IDO2: variants seen among roughly 807,000 people sequenced by gnomAD.
IDO2 encodes the protein indoleamine 2,3-dioxygenase-like 1 protein.
IDO2 carries 46 observed loss-of-function variants against 45.1 expected under a neutral mutation model. The ratio of observed to expected loss-of-function variants is 1.02; its 90% CI spans 0.80 to 1.30. The LOEUF (loss-of-function observed/expected upper bound fraction) is 1.30, where lower values mean the gene tolerates loss of function less well. IDO2 is among the 50% of genes most tolerant of loss of function. The pLI, the probability that IDO2 is intolerant of heterozygous loss-of-function variation, is 0.00. For synonymous variants in IDO2, 218 were observed against 184.9 expected (o/e 1.18, Z -1.45); for missense variants, 544 against 491.8 (o/e 1.11, Z -1.00).
chr8:39,970,764 CT>C lies in IDO2; in HGVS notation c.195+7082del, dbSNP rs766122277. On this transcript the variant is annotated intron_variant, in intron 3 of 10. Transcript: ENST00000502986. ...TATTGGAAGAAGATTCCAACCAGGA[CT>C]TTTTTTTTTTTTTTTTTTTTGAGAC... Among the ~76,000 whole-genome samples the C allele has an allele frequency of 4.0e-3, 445 of 112,444 alleles. 1 individual carries two copies. The highest frequency in any genetic ancestry group is 9.2e-3 in the African/African-American group (248 of 26,978). The allele number at this position is 112,444 out of a possible 152,430, so 73.8% of individuals were successfully genotyped here. A position where few individuals can be genotyped will look rare whatever the true frequency, so the allele number is the denominator to read the frequency against.
intron 2 of IDO2, among the ~76,000 whole-genome samples, chr8:39,954,193 T>G (rs1396477674): frequency 6.6e-6 from 1 of 152,206 alleles, no homozygotes; most frequent in East Asian, 1.9e-4. Flanking sequence ...TATATTCTAG[T>G]CCTCATCTCC....
chr8:39,971,896 C>T (rs375348124), intron 3 of IDO2, among the ~76,000 whole-genome samples: 3 of 151,994 alleles, frequency 2.0e-5, no homozygotes, highest in African/African-American at 7.2e-5. Flanking sequence ...GCAGGCTCTG[C>T]CTCCCTGGTT....
chr8:40,008,985 C>T (rs921125953), intron 9 of IDO2, among the ~76,000 whole-genome samples: 2 of 150,624 alleles, frequency 1.3e-5, no homozygotes, highest in African/African-American at 2.4e-5. Context: ...TTGATTTATC[C>T]TATTTTTGAT....
chr8:39,951,049 A>AAACAAAACAAAACAAAACAG (rs1554544692), intron 2 of IDO2, among the ~76,000 whole-genome samples: 3,038 of 151,180 alleles, frequency 0.02, 86 homozygotes, highest in African/African-American at 0.06. Flanking sequence ...AAACAAAACA[A>AAACAAAACAAAACAAAACAG]AACAAAACAA....
intron 9 of IDO2, among the ~76,000 whole-genome samples, chr8:40,012,369 G>C (rs577688257): frequency 6.6e-6 from 1 of 152,072 alleles, no homozygotes; most frequent in Non-Finnish European, 1.5e-5. Flanking sequence ...GCAAGTTTGG[G>C]GATCAAGTTC....
intron 2 of IDO2, among the ~76,000 whole-genome samples, chr8:39,959,739 C>A (rs1807964994): frequency 6.6e-6 from 1 of 152,196 alleles, no homozygotes; most frequent in African/African-American, 2.4e-5. Flanking sequence ...AGGAGAATCT[C>A]TTGAACTCAG....
chr8:39,983,082 C>T (rs1808377228), intron 5 of IDO2, among the ~76,000 whole-genome samples: 2 of 152,140 alleles, frequency 1.3e-5, no homozygotes, highest in Admixed American at 1.3e-4. Flanking sequence ...CCCTAAGATG[C>T]CCTCCATTCA....
rs566484772 is a variant in IDO2 at position 39,976,562 on chromosome 8, A to G, written c.196-2505A>G. ...ACAAATTCATGAAATGCTTCTAATA[A>G]ATAGGAAGTTATAAGATGCATTTCA... is the stretch of plus-strand genomic sequence containing the variant. On this transcript the variant is annotated intron_variant, in intron 3 of 10. Coordinates refer to ENST00000502986, the Ensembl canonical transcript of IDO2. Among the ~76,000 whole-genome samples the G allele has an allele frequency of 3.9e-5, 6 of 152,290 alleles. No homozygotes were observed. The South Asian group carries it at 6.2e-4, about 16-fold the overall frequency.
intron 1 of IDO2, among the ~76,000 whole-genome samples, chr8:39,946,963 C>A (rs1354882617): frequency 2.0e-5 from 3 of 151,846 alleles, no homozygotes; most frequent in Non-Finnish European, 4.4e-5. Context: ...AGTTCCAGAC[C>A]AGCCTGGTCA....
At chr8:39,982,362 T>G (rs1441387353) in intron 4 of IDO2, among the ~76,000 whole-genome samples, 1 of 152,132 alleles carries the variant, frequency 6.6e-6, no homozygotes, top group Non-Finnish European at 1.5e-5. Flanking sequence ...GGTAATGCCT[T>G]TCTTTGCACA....
rs1480606070 is a variant in IDO2, at chr8:39,971,826, G to C, written c.196-7241G>C. 5.2e-5 allele frequency among the ~76,000 whole-genome samples: 7 copies of C among 134,080 alleles called. No individual in the cohort carries two copies. The East Asian group carries it at 8.3e-4, about 16-fold the overall frequency. The allele number at this position is 134,080 out of a possible 152,430, so 88.0% of individuals were successfully genotyped here. The stretch of plus-strand genomic sequence containing the variant: ...TGAACTTTTCTTTTCTTTTTTTTTT[G>C]AGACAGAGTTTCGTTCTTATTGCCC... On this transcript the variant is annotated intron_variant, in intron 3 of 10. Transcript: ENST00000502986.
chr8:40,009,497 G>T (rs1338807896), intron 9 of IDO2, among the ~76,000 whole-genome samples: 1 of 151,326 alleles, frequency 6.6e-6, no homozygotes, highest in African/African-American at 2.4e-5. Flanking sequence ...TTTTCTTGGG[G>T]TTGCTAGAAA....
intron 2 of IDO2, among the ~76,000 whole-genome samples, chr8:39,952,745 G>A (rs1807830637): frequency 6.6e-6 from 1 of 151,956 alleles, no homozygotes. Context: ...GAAGAGAACT[G>A]AGAGAGCCCG....
chr8:39,970,671 A>G (rs1000371695), intron 3 of IDO2, among the ~76,000 whole-genome samples: 1 of 151,650 alleles, frequency 6.6e-6, no homozygotes, highest in Non-Finnish European at 1.5e-5. Context: ...GATTACAGGC[A>G]TGAGCCACCA....
intron 1 of IDO2, among the ~76,000 whole-genome samples, chr8:39,944,848 G>A (rs1439242232): frequency 2.6e-5 from 4 of 152,216 alleles, no homozygotes; most frequent in South Asian, 2.1e-4. Context: ...TCTCTCGGTC[G>A]CTGGCTAATA....
At chr8:39,976,944 T>C (rs544835067) in intron 3 of IDO2, among the ~76,000 whole-genome samples, 157 of 152,330 alleles carry the variant, frequency 1.0e-3, no homozygotes, top group African/African-American at 3.7e-3. Context: ...TCAGAACAAA[T>C]TGACTTAGAA....
intron 5 of IDO2, among the ~76,000 whole-genome samples, chr8:39,983,613 C>T (rs1585410641): frequency 1.3e-5 from 2 of 152,084 alleles, no homozygotes; most frequent in Admixed American, 6.6e-5. Context: ...CCTGTAATCC[C>T]GGCACTTTGG....
chr8:39,970,138 C>T (rs1808157325), intron 3 of IDO2, among the ~76,000 whole-genome samples: 1 of 152,174 alleles, frequency 6.6e-6, no homozygotes, highest in Admixed American at 6.5e-5. Context: ...TCCCTTAAAC[C>T]AAAGCCTAAT....
At chr8:39,997,595 G>A (rs550721362) in intron 8 of IDO2, among the ~76,000 whole-genome samples, 59 of 152,198 alleles carry the variant, frequency 3.9e-4, no homozygotes, top group African/African-American at 1.4e-3. Context: ...TGCACCTCAA[G>A]GCTGCAATGA....
Sources: gnomAD v4.1 joint callset for allele counts (sites outside exome capture counted in the v4.1 genomes callset) on GRCh38, gnomAD v4.1.1 for gene constraint, MANE v1.5 for transcripts, NCBI Gene and HGNC (gene_info 2026-07-23, HGNC 2026-07-21) for gene names.